The following ELAVL4 variants were observed in gnomAD, a reference collection of about 807,000 sequenced individuals.
ELAVL4 encodes the protein ELAV-like protein 4.
In ELAVL4, 1 loss-of-function variant was observed where a neutral mutation model predicts 35.6. The ratio of observed to expected loss-of-function variants is 0.03; its 90% CI spans 0.01 to 0.13. The LOEUF (loss-of-function observed/expected upper bound fraction) is 0.13, where lower values mean the gene tolerates loss of function less well. Ranked by LOEUF, ELAVL4 falls within the 10% of genes least tolerant of loss-of-function variation. The pLI, the probability that ELAVL4 is intolerant of heterozygous loss-of-function variation, is 1.00. For synonymous variants in ELAVL4, 156 were observed against 171.0 expected (o/e 0.91, Z 0.69); for missense variants, 267 against 464.9 (o/e 0.57, Z 3.91).
At chr1:50,106,251 G>A (rs1666294351), upstream of ELAVL4, 2 of 1,532,504 alleles carry the variant, frequency 1.3e-6, no homozygotes, top group Admixed American at 1.8e-5. Context: ...TGGACTCTGT[G>A]TGGGAAAGCT....
chr1:50,066,503 A>G (rs1430202851), intron 1 of ELAVL4, among the ~76,000 whole-genome samples: 3 of 152,128 alleles, frequency 2.0e-5, no homozygotes, highest in African/African-American at 4.8e-5. Flanking sequence ...TTGTTTTTCC[A>G]TGTCTAACTG....
At chr1:50,144,638 G>A (rs1446126076) in intron 1 of ELAVL4, 1 of 515,884 alleles carries the variant, frequency 1.9e-6, no homozygotes, top group Non-Finnish European at 3.7e-6. Context: ...TTATAATTTG[G>A]TGTGGCTTAA....
At chr1:50,055,790 AC>A (rs142953642) in intron 1 of ELAVL4, among the ~76,000 whole-genome samples, 2,312 of 152,178 alleles carry the variant, frequency 0.015, 22 homozygotes, top group Non-Finnish European at 0.023. Flanking sequence ...TTCAACGAAA[AC>A]CTTTACAGGA....
At chr1:50,185,252 GCT>G (rs1681648264) in intron 3 of ELAVL4, among the ~76,000 whole-genome samples, 1 of 152,216 alleles carries the variant, frequency 6.6e-6, no homozygotes, top group Non-Finnish European at 1.5e-5. Flanking sequence ...ATTCAAAAGA[GCT>G]CTGAGTTCAG....
chr1:50,079,028 T>C (rs1664887514), intron 1 of ELAVL4, among the ~76,000 whole-genome samples: 1 of 152,222 alleles, frequency 6.6e-6, no homozygotes, highest in South Asian at 2.1e-4. Context: ...TCTCATCAAG[T>C]GATGAAGTCT....
At chr1:50,109,834 C>T in intron 1 of ELAVL4, 9 of 1,469,656 alleles carry the variant, frequency 6.1e-6, no homozygotes, top group Non-Finnish European at 8.4e-6. Context: ...TGAGTTGTTG[C>T]TTCCTTCTCT....
chr1:50,151,108 T>C (rs1442011029), intron 2 of ELAVL4, among the ~76,000 whole-genome samples: 2 of 152,208 alleles, frequency 1.3e-5, no homozygotes, highest in African/African-American at 2.4e-5. Flanking sequence ...GTTGAATTAC[T>C]GGCCAACGTG....
chr1:50,198,474 A>G lies in ELAVL4; in HGVS notation c.773+1007A>G, dbSNP rs1016962515. 2.1e-4 allele frequency among the ~76,000 whole-genome samples: 32 copies of G among 152,128 alleles called. 1 individual carries two copies. Among genetic ancestry groups the G allele is most frequent in the African/African-American group, 7.7e-4 (32 of 41,420 alleles). ...CTGGCCATCCATGGTAAGTACCCTGACTCTGGGAACTGGTGCATGGTAGAG... is the reference window on the plus strand; with the variant it reads ...CTGGCCATCCATGGTAAGTACCCTGGCTCTGGGAACTGGTGCATGGTAGAG... On this transcript the variant is annotated intron_variant, in intron 6 of 6. Transcript: ENST00000371824.
intron 1 of ELAVL4, among the ~76,000 whole-genome samples, chr1:50,077,638 G>A (rs907228464): frequency 4.6e-5 from 7 of 152,186 alleles, no homozygotes; most frequent in African/African-American, 1.7e-4. Flanking sequence ...ACCCAGTCAA[G>A]TTGATACATA....
chr1:50,179,136 C>T (rs185940027), intron 3 of ELAVL4, among the ~76,000 whole-genome samples: 21 of 152,226 alleles, frequency 1.4e-4, no homozygotes, highest in Admixed American at 1.2e-3. Context: ...AAGAGTCAGT[C>T]TGCCTCCTTC....
intron 1 of ELAVL4, among the ~76,000 whole-genome samples, chr1:50,121,489 T>C (rs186602983): frequency 5.8e-4 from 89 of 152,240 alleles, no homozygotes; most frequent in Admixed American, 2.5e-3. Flanking sequence ...TATTATTTCA[T>C]GAATCTTTGC....
chr1:50,059,406 G>T (rs1411151874), intron 1 of ELAVL4, among the ~76,000 whole-genome samples: 1 of 151,992 alleles, frequency 6.6e-6, no homozygotes, highest in African/African-American at 2.4e-5. Flanking sequence ...CTGAAATTTG[G>T]ATCCCTGATT....
intron 3 of ELAVL4, among the ~76,000 whole-genome samples, chr1:50,178,731 C>T (rs1459517045): frequency 5.3e-5 from 8 of 152,140 alleles, no homozygotes; most frequent in East Asian, 1.9e-4. Context: ...TAAGTAAAGA[C>T]GGATGCTCAT....
intron 1 of ELAVL4, among the ~76,000 whole-genome samples, chr1:50,072,250 A>G (rs548716783): frequency 6.6e-6 from 1 of 152,294 alleles, no homozygotes; most frequent in Middle Eastern, 3.4e-3. Flanking sequence ...ACCTAATCTT[A>G]CCCCAAGCAA....
upstream of ELAVL4, chr1:50,106,187 A>T: frequency 1.3e-6 from 1 of 756,744 alleles, no homozygotes; most frequent in Admixed American, 2.5e-5. Flanking sequence ...AGGCTTCTCC[A>T]CTGCGCGGAG....
At chr1:50,124,572 A>G (rs1431606467) in intron 1 of ELAVL4, among the ~76,000 whole-genome samples, 1 of 152,038 alleles carries the variant, frequency 6.6e-6, no homozygotes, top group Admixed American at 6.6e-5. Context: ...ATTTTATCTT[A>G]CTCATCCCTT....
intron 1 of ELAVL4, among the ~76,000 whole-genome samples, chr1:50,061,318 A>G (rs1034332285): frequency 1.3e-5 from 2 of 152,214 alleles, no homozygotes; most frequent in Non-Finnish European, 2.9e-5. Context: ...TGTACTCTCC[A>G]GTTAGGCTAT....
chr1:50,195,525 G>A (rs2148885461), intron 4 of ELAVL4, 36 bp from the exon 5 acceptor site: 1 of 1,608,378 alleles, frequency 6.2e-7, no homozygotes, highest in East Asian at 2.2e-5. Context: ...AGTTTGGTGT[G>A]TTCACTCTTT....
At chr1:50,085,350 A>C (rs1665191269) in intron 1 of ELAVL4, among the ~76,000 whole-genome samples, 1 of 152,178 alleles carries the variant, frequency 6.6e-6, no homozygotes, top group Non-Finnish European at 1.5e-5. Context: ...AATACAGAGA[A>C]CAGCAGTAGC....
Sources: gnomAD v4.1 joint callset for allele counts (sites outside exome capture counted in the v4.1 genomes callset) on GRCh38, gnomAD v4.1.1 for gene constraint, MANE v1.5 for transcripts, NCBI Gene and HGNC (gene_info 2026-07-23, HGNC 2026-07-21) for gene names.